The following FAM186A variants were observed in gnomAD, a reference collection of about 807,000 sequenced individuals.
FAM186A encodes the protein protein FAM186A.
In FAM186A, 163 loss-of-function variants were observed where a neutral mutation model predicts 216.8. The observed-to-expected ratio is 0.75, with a 90% CI of 0.66 to 0.86. The LOEUF is 0.86. Ranked by LOEUF, FAM186A falls within the 40% of genes least tolerant of loss-of-function variation. The pLI, the probability that FAM186A is intolerant of heterozygous loss-of-function variation, is 0.00. For synonymous variants in FAM186A, 805 were observed against 1,025.3 expected (o/e 0.79, Z 4.10); for missense variants, 2,184 against 2,746.2 (o/e 0.80, Z 4.58).
Position 50,352,837 on chromosome 12 carries a change from G to A in FAM186A, c.3995C>T (p.Ala1332Val), listed in dbSNP as rs374440238. 87 of 1,546,592 alleles carry A rather than the reference G, an allele frequency of 5.6e-5. No individual in the cohort carries two copies. The African/African-American group carries it at 9.2e-4, about 16-fold the overall frequency. ...GGTGAGAGTGATCTCCTGAGTCTGC[G>A]CCTGCTGAGGGGTGAGAGGGATCCC... ...ALGIPLTPQQ[A>V]QTQEITLTPQ... Residue 1332 changes from alanine to valine, a missense_variant, in exon 4 of 8, where the codon GCG (alanine) becomes GTG (valine). Ala to Val is a moderately conservative substitution (Grantham distance 64). Transcript: ENST00000327337.
Position 50,352,221 on chromosome 12 carries a change from C to T in FAM186A, c.4611G>A (p.Gln1537=). The change falls in exon 4 of 8, where the codon CAG becomes CAA. Residue 1537 remains glutamine, a synonymous_variant. Transcript: ENST00000327337. ...GAGGGGTGAGAGGGATCCCCAATTC[C>T]TGAGCCTGCGGAGGGATCAGAGGGA... ...LGIPLIPPQA[Q]ELGIPLTPQQ... 6.6e-7 allele frequency: 1 copy of T among 1,516,930 alleles called. No homozygotes were observed. The highest frequency in any genetic ancestry group is 8.8e-7 in the Non-Finnish European group (1 of 1,133,446). 94.0% of individuals were successfully genotyped at this position (1,516,930 alleles called of 1,614,324 possible). A position where few individuals can be genotyped will look rare whatever the true frequency, so the allele number is the denominator to read the frequency against.
At chr12:50,373,969 C>T (rs1301562380) in intron 1 of FAM186A, among the ~76,000 whole-genome samples, 1 of 151,598 alleles carries the variant, frequency 6.6e-6, no homozygotes, top group Non-Finnish European at 1.5e-5. Context: ...TACTATGCAG[C>T]CATAAAAAAT....
chr12:50,384,431 AAAAT>A (rs753430765), intron 1 of FAM186A, among the ~76,000 whole-genome samples: 22 of 152,178 alleles, frequency 1.4e-4, no homozygotes, highest in Non-Finnish European at 1.9e-4. Flanking sequence ...TCTCTAAACA[AAAAT>A]AAATAAATAA....
intron 4 of FAM186A, among the ~76,000 whole-genome samples, chr12:50,342,568 G>A (rs1942774655): frequency 6.6e-6 from 1 of 150,582 alleles, no homozygotes; most frequent in African/African-American, 2.4e-5. Context: ...TCTGCCTCCT[G>A]GGTTCAAGTG....
At chr12:50,383,699 G>C (rs1350383127) in intron 1 of FAM186A, among the ~76,000 whole-genome samples, 1 of 152,164 alleles carries the variant, frequency 6.6e-6, no homozygotes, top group Admixed American at 6.6e-5. Context: ...GGCTGGCTGT[G>C]GTTTTTCTCT....
In FAM186A at chr12:50,327,409, A is replaced by G; in HGVS notation, c.7035-5T>C. On this transcript the variant is annotated splice_region_variant and splice_polypyrimidine_tract_variant and intron_variant, in intron 7 of 7. Transcript: ENST00000327337. ...CATTTGGGAATCTTCTTAACCCTGG[A>G]AATGAGACAAGAAAATTAACCTCAT... 1.3e-6 allele frequency: 2 copies of G among 1,546,256 alleles called. No homozygotes were observed. Among genetic ancestry groups the G allele is most frequent in the Non-Finnish European group, 1.7e-6 (2 of 1,143,426 alleles).
chr12:50,372,969 AG>A, intron 1 of FAM186A, among the ~76,000 whole-genome samples: 1 of 128,540 alleles, frequency 7.8e-6, no homozygotes, highest in Non-Finnish European at 1.6e-5. Flanking sequence ...GGAGGGAGGG[AG>A]GGACGGAGGG....
chr12:50,383,895 G>A (rs531921704), intron 1 of FAM186A, among the ~76,000 whole-genome samples: 79 of 152,164 alleles, frequency 5.2e-4, no homozygotes, highest in African/African-American at 1.6e-3. Flanking sequence ...CGAGGCAGGC[G>A]GATCACGAAG....
rs1191650954 is a variant in FAM186A, at chr12:50,353,897, C to T, written c.2935G>A (p.Glu979Lys). Residue 979 changes from glutamate to lysine, a missense_variant, in exon 4 of 8, where the codon GAA (glutamate) becomes AAA (lysine). Physicochemically the swap from Glu to Lys is moderately conservative, Grantham distance 56. Coordinates refer to ENST00000327337, the MANE Select transcript of FAM186A (RefSeq NM_001145475.3). ...QKPERGLEDL[E>K]RQIKTKDQMQ... ...TGATCCTTTGTTTTGATCTGCCTTTCGAGGTCCTCTAGCCCTCTCTCTGGC... is the reference window on the plus strand; with the variant it reads ...TGATCCTTTGTTTTGATCTGCCTTTTGAGGTCCTCTAGCCCTCTCTCTGGC... 14 of 1,552,306 alleles carry T rather than the reference C, an allele frequency of 9.0e-6. No individual in the cohort carries two copies. The highest frequency in any genetic ancestry group is 1.4e-5 in the African/African-American group (1 of 73,134).
Position 50,369,007 on chromosome 12 carries a change from A to G in FAM186A, c.193-5643T>C, listed in dbSNP as rs556159349. Among the ~76,000 whole-genome samples the G allele has an allele frequency of 2.6e-5, 4 of 151,810 alleles. No homozygotes were observed. The South Asian group carries it at 6.2e-4, about 24-fold the overall frequency. ...CACACAAATGTTGGTGGGAAAACTG[A>G]ATACCTACACATGAAAGAATGAAGT... On this transcript the variant is annotated intron_variant, in intron 1 of 7. Transcript: ENST00000327337.
In FAM186A at chr12:50,355,770, A is replaced by G; in HGVS notation, c.1062T>C (p.Pro354=). ...CCCTGGATGACTGTGGAGAAGGTCC[A>G]GGTAACACTTTCAAGGTTGATGATG... ...LSTSSTLKVL[P]GPSPQSSRAI... is the part of the protein sequence containing the mutation. Residue 354 remains proline (P), a synonymous_variant, in exon 4 of 8, where the codon CCT becomes CCC. Coordinates refer to ENST00000327337, the MANE Select transcript of FAM186A (RefSeq NM_001145475.3). 1 of 1,551,724 alleles carries G rather than the reference A, an allele frequency of 6.4e-7. No individual in the cohort carries two copies.
intron 1 of FAM186A, among the ~76,000 whole-genome samples, chr12:50,378,303 G>T (rs11830586): frequency 0.13 from 19,537 of 151,640 alleles, 2,152 homozygotes; most frequent in African/African-American, 0.29. Context: ...GGCCGAGGTG[G>T]GTGGATCACG....
At position 50,352,863 on chromosome 12, in the gene FAM186A, C is replaced by A. The variant is rs1294555376; in HGVS notation, c.3969G>T (p.Leu1323=). ...CCTGCTGAGGGGTGAGAGGGATCCC[C>A]AGGGCCTGCGCCTGCTGAGGGGTGA... ...IPFTPQQAQA[L]GIPLTPQQAQ... is the part of the protein sequence containing the mutation. Residue 1323 remains leucine, a synonymous_variant, in exon 4 of 8, where the codon CTG becomes CTT. Coordinates refer to ENST00000327337, the MANE Select transcript of FAM186A (RefSeq NM_001145475.3). The A allele has an allele frequency of 6.5e-7, 1 of 1,539,436 alleles. No homozygotes were observed. The highest frequency in any genetic ancestry group is 8.8e-7 in the Non-Finnish European group (1 of 1,140,692).
At chr12:50,331,856 T>C (rs1433716401) in intron 5 of FAM186A, 35 bp from the exon 6 acceptor site, 5 of 1,489,082 alleles carry the variant, frequency 3.4e-6, no homozygotes, top group Non-Finnish European at 4.5e-6. Context: ...AAGGAAACCA[T>C]GAAAAGAGAC....
At chr12:50,342,123 A>G (rs1376500569) in intron 4 of FAM186A, among the ~76,000 whole-genome samples, 1 of 151,738 alleles carries the variant, frequency 6.6e-6, no homozygotes, top group African/African-American at 2.4e-5. Context: ...ATTCTACAAT[A>G]TAGTCAAGGA....
chr12:50,361,189 G>T (rs776303946), intron 2 of FAM186A, among the ~76,000 whole-genome samples: 48 of 152,154 alleles, frequency 3.2e-4, no homozygotes, highest in Non-Finnish European at 6.2e-4. Context: ...TAAAATGTGT[G>T]TGTGTGTGTT....
rs376536806 is a variant in FAM186A, at chr12:50,390,048, T to G, written c.192+6245A>C. On this transcript the variant is annotated intron_variant, in intron 1 of 7. Coordinates refer to ENST00000327337, the MANE Select transcript of FAM186A (RefSeq NM_001145475.3). ...TGGGGATTCTGTCAGCTGCTGAGTA[T>G]GTATATTCCAATTACACATTTTGGA... Among the ~76,000 whole-genome samples, 32 of 152,312 alleles carry G rather than the reference T, an allele frequency of 2.1e-4. 1 individual carries two copies. In the East Asian group the frequency reaches 6.2e-3, roughly 29 times the overall value.
intron 1 of FAM186A, among the ~76,000 whole-genome samples, chr12:50,381,819 C>G (rs962894147): frequency 2.0e-5 from 3 of 152,014 alleles, no homozygotes; most frequent in Admixed American, 6.6e-5. Flanking sequence ...AATTAGCCAG[C>G]ATGGTGGCTT....
chr12:50,388,951 G>A (rs1039029866), intron 1 of FAM186A, among the ~76,000 whole-genome samples: 7 of 151,934 alleles, frequency 4.6e-5, no homozygotes, highest in African/African-American at 7.3e-5. Context: ...TCGGAAGTCC[G>A]AAGCGGGAGG....
Sources: allele counts gnomAD v4.1 joint callset (sites outside exome capture counted in the v4.1 genomes callset), GRCh38; gene constraint gnomAD v4.1.1; transcripts MANE v1.5; gene names NCBI Gene and HGNC (gene_info 2026-07-23, HGNC 2026-07-21).